ADAM2: variants seen among roughly 807,000 people sequenced by gnomAD.
The protein encoded by ADAM2 is ADAM metallopeptidase domain 2.
ADAM2 carries 101 observed loss-of-function variants against 99.3 expected under a neutral mutation model. The observed-to-expected ratio is 1.02, with a 90% CI of 0.87 to 1.20. The LOEUF is 1.20. Among genes scored for constraint, ADAM2 ranks in the 50% most tolerant of loss-of-function variants. The probability of loss-of-function intolerance (pLI) is 0.00; values close to 1 mark genes in which losing one functional copy is unlikely to be tolerated. For missense variants in ADAM2, 948 were observed against 878.7 expected, an observed-to-expected ratio of 1.08 and a Z score of -1.00; for synonymous variants, 323 against 287.6, an observed-to-expected ratio of 1.12 and a Z score of -1.25.
intron 3 of ADAM2, among the ~76,000 whole-genome samples, chr8:39,826,712 GA>G (rs578160997): frequency 5.4e-4 from 66 of 123,100 alleles, no homozygotes; most frequent in Middle Eastern, 4.2e-3. Flanking sequence ...TACAGAGCGA[GA>G]AAAAAAAAAA....
intron 7 of ADAM2, among the ~76,000 whole-genome samples, chr8:39,801,003 C>T (rs1804183855): frequency 6.6e-6 from 1 of 152,132 alleles, no homozygotes; most frequent in Non-Finnish European, 1.5e-5. Context: ...TTTTTATTAA[C>T]CATCTTCTGT....
intron 10 of ADAM2, among the ~76,000 whole-genome samples, chr8:39,778,919 T>C (rs1444337558): frequency 6.6e-6 from 1 of 152,116 alleles, no homozygotes; most frequent in Non-Finnish European, 1.5e-5. Flanking sequence ...TTTCTCTTTT[T>C]CTCCTGTTTC....
At chr8:39,820,906 T>G (rs1805151171) in intron 6 of ADAM2, 96 bp downstream of exon 6, 1 of 745,866 alleles carries the variant, frequency 1.3e-6, no homozygotes, top group South Asian at 2.4e-5. Context: ...TTTTGGTGTT[T>G]ATGGGTGTGT....
chr8:39,806,100 T>A (rs1026804862), intron 7 of ADAM2, among the ~76,000 whole-genome samples: 2 of 152,176 alleles, frequency 1.3e-5, no homozygotes, highest in African/African-American at 4.8e-5. Context: ...GAAAACTGCC[T>A]GGATATTGAA....
intron 7 of ADAM2, among the ~76,000 whole-genome samples, chr8:39,794,919 G>C (rs560604189): frequency 6.6e-6 from 1 of 152,138 alleles, no homozygotes; most frequent in Admixed American, 6.6e-5. Flanking sequence ...CTTTGGAGTT[G>C]TCAGCATTTT....
At chr8:39,773,532 G>C (rs954070772) in intron 11 of ADAM2, among the ~76,000 whole-genome samples, 1 of 151,518 alleles carries the variant, frequency 6.6e-6, no homozygotes, top group Non-Finnish European at 1.5e-5. Context: ...ATTATAAAAA[G>C]AAACTCAAAT....
At chr8:39,745,745 C>A (rs1312224911) in intron 19 of ADAM2, among the ~76,000 whole-genome samples, 2 of 151,854 alleles carry the variant, frequency 1.3e-5, no homozygotes, top group Non-Finnish European at 2.9e-5. Context: ...GGTTTTCCTA[C>A]TACCTTTCAT....
chr8:39,772,438 G>A (rs1364748214), intron 11 of ADAM2, among the ~76,000 whole-genome samples: 1 of 151,842 alleles, frequency 6.6e-6, no homozygotes, highest in African/African-American at 2.4e-5. Context: ...CTTTAAATTT[G>A]GTTAATTGTT....
At chr8:39,817,179 A>T (rs551768643) in intron 6 of ADAM2, among the ~76,000 whole-genome samples, 71 of 152,314 alleles carry the variant, frequency 4.7e-4, no homozygotes, top group Non-Finnish European at 8.1e-4. Context: ...GGAATAAGGA[A>T]CATATAAGAC....
chr8:39,838,016 T>C (rs7844819), intron 1 of ADAM2, 115 bp downstream of exon 1: 24 of 1,158,076 alleles, frequency 2.1e-5, no homozygotes, highest in Admixed American at 5.9e-5. Flanking sequence ...TTGGAATTGC[T>C]GAGTTGGAAA....
At chr8:39,824,398 T>C (rs1805317704) in intron 4 of ADAM2, among the ~76,000 whole-genome samples, 1 of 151,914 alleles carries the variant, frequency 6.6e-6, no homozygotes, top group African/African-American at 2.4e-5. Context: ...ATGTTCCAAA[T>C]AGATGAAAAT....
chr8:39,751,511 T>C (rs1413498761), intron 16 of ADAM2, among the ~76,000 whole-genome samples: 1 of 150,402 alleles, frequency 6.6e-6, no homozygotes, highest in Non-Finnish European at 1.5e-5. Flanking sequence ...GTTTGTTTGT[T>C]TGTTTTTGCT....
At chr8:39,815,233 C>G (rs1804891354) in intron 6 of ADAM2, among the ~76,000 whole-genome samples, 1 of 151,980 alleles carries the variant, frequency 6.6e-6, no homozygotes, top group Non-Finnish European at 1.5e-5. Flanking sequence ...TATTTTATTT[C>G]ATTTATTTTT....
At chr8:39,763,808 G>A (rs1802463191) in intron 14 of ADAM2, among the ~76,000 whole-genome samples, 2 of 152,204 alleles carry the variant, frequency 1.3e-5, no homozygotes, top group African/African-American at 4.8e-5. Flanking sequence ...TGACAACAAA[G>A]GCATTACTGA....
intron 7 of ADAM2, among the ~76,000 whole-genome samples, chr8:39,789,761 C>T (rs931856247): frequency 1.3e-5 from 2 of 149,840 alleles, no homozygotes; most frequent in African/African-American, 4.9e-5. Context: ...AGACAACCTT[C>T]AGAAATGGTA....
intron 15 of ADAM2, among the ~76,000 whole-genome samples, chr8:39,756,606 CCTCCTAATCAGCAAAAT>C (rs1563337356): frequency 6.6e-6 from 1 of 152,082 alleles, no homozygotes; most frequent in African/African-American, 2.4e-5. Flanking sequence ...ATCTAAATAG[CCTCCTAATCAGCAAAAT>C]CTCAGCAGTG....
chr8:39,784,064 T>C (rs1803350340), intron 10 of ADAM2, among the ~76,000 whole-genome samples: 1 of 152,192 alleles, frequency 6.6e-6, no homozygotes, highest in Admixed American at 6.5e-5. Context: ...AGGAGCAGCA[T>C]TGGAAGGATA....
chr8:39,747,430 T>C (rs1052921722), intron 18 of ADAM2, among the ~76,000 whole-genome samples: 1 of 152,224 alleles, frequency 6.6e-6, no homozygotes, highest in Non-Finnish European at 1.5e-5. Context: ...GTAGCCTTAC[T>C]GTTTGAAACT....
intron 11 of ADAM2, among the ~76,000 whole-genome samples, chr8:39,776,262 C>T (rs1802984556): frequency 6.6e-6 from 1 of 151,992 alleles, no homozygotes; most frequent in African/African-American, 2.4e-5. Context: ...GGACAGGTCC[C>T]CCATCCCTGC....
Sources: gnomAD v4.1 joint callset for allele counts (sites outside exome capture counted in the v4.1 genomes callset) on GRCh38, gnomAD v4.1.1 for gene constraint, MANE v1.5 for transcripts, NCBI Gene and HGNC (gene_info 2026-07-23, HGNC 2026-07-21) for gene names.